The following DIPK1C variants were observed in gnomAD, a reference collection of about 807,000 sequenced individuals.
DIPK1C encodes the protein familial non-conventional Alzheimer's dementia.
A neutral mutation model predicts 28.0 loss-of-function variants in DIPK1C; 33 were observed. That is an observed-to-expected ratio of 1.18 (90% confidence interval 0.89 to 1.58). The LOEUF is 1.58. DIPK1C is among the 40% of genes most tolerant of loss of function. The pLI is 0.00. For synonymous variants in DIPK1C, 255 were observed against 248.8 expected (o/e 1.02, Z -0.23); for missense variants, 569 against 568.5 (o/e 1.00, Z -0.01).
intron 1 of DIPK1C, among the ~76,000 whole-genome samples, chr18:74,454,084 C>T (rs1378455930): frequency 2.0e-5 from 3 of 152,134 alleles, no homozygotes; most frequent in Non-Finnish European, 4.4e-5. Flanking sequence ...GCTGACACAG[C>T]CCACTAGAAA....
intron 1 of DIPK1C, among the ~76,000 whole-genome samples, chr18:74,448,874 C>T (rs558710670): frequency 9.2e-5 from 14 of 152,154 alleles, no homozygotes; most frequent in African/African-American, 3.1e-4. Context: ...TTTGGGAGGC[C>T]GAGGCGGGCA....
chr18:74,439,332 C>A (rs1314345628), intron 3 of DIPK1C, among the ~76,000 whole-genome samples: 1 of 152,150 alleles, frequency 6.6e-6, no homozygotes, highest in Non-Finnish European at 1.5e-5. Context: ...TTTGTCATGC[C>A]TGGCCAGCCA....
chr18:74,454,929 C>T (rs1407639812), intron 1 of DIPK1C, among the ~76,000 whole-genome samples: 1 of 152,206 alleles, frequency 6.6e-6, no homozygotes, highest in East Asian at 1.9e-4. Context: ...GAGTAAGGAA[C>T]TCAAACAGGG....
Position 74,436,153 on chromosome 18 carries a change from A to T in DIPK1C, c.*348T>A, listed in dbSNP as rs1403579814. ...ACGCACACTTTTTAACGTGGTAACGATTTACAGGAAAGAACAGCTGGAACT... is the reference window on the plus strand; with the variant it reads ...ACGCACACTTTTTAACGTGGTAACGTTTTACAGGAAAGAACAGCTGGAACT... On this transcript the variant is annotated 3_prime_UTR_variant, in exon 4 of 4. Transcript: ENST00000343998. The T allele has an allele frequency of 3.4e-6, 1 of 298,436 alleles. No individual in the cohort carries two copies. The highest frequency in any genetic ancestry group is 6.3e-6 in the Non-Finnish European group (1 of 158,538). 18.5% of individuals were successfully genotyped at this position (298,436 alleles called of 1,614,324 possible).
rs1985957167 is a variant in DIPK1C, at chr18:74,435,090, A to T, written c.*1411T>A. 6.6e-6 allele frequency: 1 copy of T among 152,228 alleles called. No homozygotes were observed. Among genetic ancestry groups the T allele is most frequent in the Admixed American group, 6.5e-5 (1 of 15,290 alleles). 9.4% of individuals were successfully genotyped at this position (152,228 alleles called of 1,614,324 possible). A position where few individuals can be genotyped will look rare whatever the true frequency, so the allele number is the denominator to read the frequency against. On this transcript the variant is annotated 3_prime_UTR_variant, in exon 4 of 4. Transcript: ENST00000343998. ...TAAATGTGACCCCAAAGTCTGGAAG[A>T]AGGCATTCCCGTTTCTCTGGTTTAG... is the stretch of plus-strand genomic sequence containing the variant.
chr18:74,461,383 CCTTCCTTTCTTT>C (rs1568268293), upstream of DIPK1C, among the ~76,000 whole-genome samples: 2 of 139,530 alleles, frequency 1.4e-5, no homozygotes, highest in Non-Finnish European at 3.1e-5. Context: ...TTCCTTTCTT[CCTTCCTTTCTTT>C]CTTTCTCTTT....
At position 74,447,195 on chromosome 18, in the gene DIPK1C, TGCAGGCA is replaced by T; in HGVS notation, c.280_286del (p.Cys94ThrfsTer54). 1 of 1,550,434 alleles carries T rather than the reference TGCAGGCA, an allele frequency of 6.4e-7. No homozygotes were observed. The highest frequency in any genetic ancestry group is 1.2e-5 in the South Asian group (1 of 84,050). Reference sequence around the variant, plus strand: ...CAGCACCTTCTTGCCTCTGTTGTAGTGCAGGCAGCGTTGGAACAGCAGCTCTCCCGCC... The same window carrying T: ...CAGCACCTTCTTGCCTCTGTTGTAGTGCGTTGGAACAGCAGCTCTCCCGCC... On this transcript the variant is annotated frameshift_variant, in exon 2 of 4. Coordinates refer to ENST00000343998, the MANE Select transcript of DIPK1C (RefSeq NM_001044369.3). LOFTEE classifies it high-confidence loss of function. The surrounding 1 kb of genome is among the most constrained non-coding windows in gnomAD (Gnocchi z 4.1).
In DIPK1C at chr18:74,457,188, C is replaced by T; in HGVS notation, c.72G>A (p.Thr24=). The change falls in exon 1 of 4, where the codon ACG becomes ACA. Residue 24 remains threonine (T), a synonymous_variant. Coordinates refer to ENST00000343998, the MANE Select transcript of DIPK1C (RefSeq NM_001044369.3). The part of the protein sequence containing the change: ...CRRRGRCGRG[T]LLAFAAWTAG... ...CGGTCCACGCGGCGAAGGCGAGGAG[C>T]GTGCCCCGCCCGCAGCGCCCGCGCC... The T allele has an allele frequency of 8.1e-7, 1 of 1,238,206 alleles. No individual in the cohort carries two copies. 76.7% of individuals were successfully genotyped at this position (1,238,206 alleles called of 1,614,324 possible).
At chr18:74,455,130 A>G (rs566027964) in intron 1 of DIPK1C, among the ~76,000 whole-genome samples, 1 of 152,324 alleles carries the variant, frequency 6.6e-6, no homozygotes, top group African/African-American at 2.4e-5. Flanking sequence ...TATGGCTGCC[A>G]TTGAAGATAT....
intron 2 of DIPK1C, among the ~76,000 whole-genome samples, chr18:74,445,387 G>T (rs1258806659): frequency 1.3e-5 from 2 of 152,340 alleles, no homozygotes; most frequent in East Asian, 3.9e-4. Context: ...GCACCCGTAG[G>T]TTGTCAGCCC....
intron 1 of DIPK1C, among the ~76,000 whole-genome samples, chr18:74,456,404 C>T (rs1043571154): frequency 5.3e-5 from 8 of 152,272 alleles, no homozygotes; most frequent in Admixed American, 1.3e-4. Flanking sequence ...TTAGGAGGCG[C>T]CTGTCGAGGA....
intron 2 of DIPK1C, among the ~76,000 whole-genome samples, chr18:74,442,360 ACT>A (rs535129865): frequency 3.5e-4 from 53 of 151,364 alleles, no homozygotes; most frequent in African/African-American, 1.3e-3. Flanking sequence ...ACGGAGTCTC[ACT>A]CTGTCACCCA....
At chr18:74,458,628 A>AGCAGGGTTTGGGTGTCACTCAATCAACG (rs1986569911), upstream of DIPK1C, among the ~76,000 whole-genome samples, 7 of 152,172 alleles carry the variant, frequency 4.6e-5, no homozygotes, top group African/African-American at 1.4e-4. Flanking sequence ...CTCAATCAAC[A>AGCAGGGTTTGGGTGTCACTCAATCAACG]GCAGGGTTTG....
intron 1 of DIPK1C, among the ~76,000 whole-genome samples, chr18:74,453,595 A>G (rs113456216): frequency 2.6e-5 from 4 of 152,322 alleles, no homozygotes; most frequent in African/African-American, 9.6e-5. Flanking sequence ...TCAAGACCTA[A>G]CTAGCCAAAA....
chr18:74,442,572 G>T (rs1245710740), intron 2 of DIPK1C, among the ~76,000 whole-genome samples: 4 of 152,126 alleles, frequency 2.6e-5, no homozygotes, highest in Non-Finnish European at 4.4e-5. Flanking sequence ...CTCCTGATCT[G>T]CCCGCCTCGG....
chr18:74,444,711 C>G (rs1485115462), intron 2 of DIPK1C, among the ~76,000 whole-genome samples: 3 of 152,160 alleles, frequency 2.0e-5, no homozygotes, highest in Non-Finnish European at 2.9e-5. Context: ...GGGTCGAGAA[C>G]CGGACTGGTG....
At chr18:74,458,040 A>T (rs1387120491), upstream of DIPK1C, 3 of 152,274 alleles carry the variant, frequency 2.0e-5, no homozygotes, top group African/African-American at 7.2e-5. Flanking sequence ...ATATTTATAG[A>T]TTCGCAGTAT....
upstream of DIPK1C, among the ~76,000 whole-genome samples, chr18:74,460,222 T>C (rs1986596471): frequency 6.6e-6 from 1 of 152,364 alleles, no homozygotes; most frequent in South Asian, 2.1e-4. Flanking sequence ...ATTCTCTTCA[T>C]GGCTTAAGCA....
intron 1 of DIPK1C, among the ~76,000 whole-genome samples, chr18:74,448,139 G>A (rs1204709234): frequency 3.9e-5 from 6 of 152,190 alleles, no homozygotes; most frequent in African/African-American, 7.2e-5. Flanking sequence ...GCCAGAGGCA[G>A]GGAAGGAAGA....
Sources: gnomAD v4.1 joint callset for allele counts (sites outside exome capture counted in the v4.1 genomes callset) on GRCh38, gnomAD v4.1.1 for gene constraint, Gnocchi (gnomAD v3.1) non-coding constraint, MANE v1.5 for transcripts, NCBI Gene and HGNC (gene_info 2026-07-23, HGNC 2026-07-21) for gene names.